Variants in STAU2 observed in about 807,000 individuals in gnomAD.
The protein encoded by STAU2 is double-stranded RNA-binding protein Staufen homolog 2.
A neutral mutation model predicts 65.9 loss-of-function variants in STAU2; 20 were observed. The observed-to-expected ratio is 0.30, with a 90% confidence interval of 0.21 to 0.44. STAU2 has a LOEUF of 0.44. STAU2 is among the 20% of genes least tolerant of loss of function. The pLI is 1.00. For missense variants in STAU2, 558 were observed against 683.9 expected, an observed-to-expected ratio of 0.82 and a Z score of 2.05; for synonymous variants, 232 against 233.9, an observed-to-expected ratio of 0.99 and a Z score of 0.07.
intron 13 of STAU2, among the ~76,000 whole-genome samples, chr8:73,532,737 T>G (rs1805904487): frequency 6.6e-6 from 1 of 152,204 alleles, no homozygotes; most frequent in African/African-American, 2.4e-5. Flanking sequence ...TTCATCTACA[T>G]AACAAGAACC....
intron 13 of STAU2, among the ~76,000 whole-genome samples, chr8:73,459,579 T>G (rs1049734729): frequency 1.3e-5 from 2 of 151,992 alleles, no homozygotes; most frequent in East Asian, 3.9e-4. Context: ...AAGTCGCCTC[T>G]CGTTAAGGTG....
rs550577593 is a variant in STAU2 at position 73,604,025 on chromosome 8, T to C, written c.892-162A>G. On this transcript the variant is annotated intron_variant, in intron 9 of 14. Coordinates refer to ENST00000524300, the MANE Select transcript of STAU2 (RefSeq NM_001164380.2). ...ATATTTATAAAGGAAAATCATAAAA[T>C]AGACCTGTAACCAAGGCTTCTATGG... 2.6e-5 allele frequency among the ~76,000 whole-genome samples: 4 copies of C among 152,252 alleles called. No individual in the cohort carries two copies. In the East Asian group the frequency reaches 5.8e-4, roughly 22 times the overall value.
chr8:73,746,835 A>C lies in STAU2; in HGVS notation c.-249T>G. On this transcript the variant is annotated 5_prime_UTR_variant, in exon 1 of 15. Coordinates refer to ENST00000524300, the MANE Select transcript of STAU2 (RefSeq NM_001164380.2). ...GCTCCAACATTGGCAAACACTACAG[A>C]GAACTGACCCCGCTCGGCCGCCGCC... 1 of 1,227,068 alleles carries C rather than the reference A, an allele frequency of 8.1e-7. No homozygotes were observed. Among genetic ancestry groups the C allele is most frequent in the Non-Finnish European group, 1.0e-6 (1 of 983,866 alleles). The allele number at this position is 1,227,068 out of a possible 1,614,324, so 76.0% of individuals were successfully genotyped here. A position where few individuals can be genotyped will look rare whatever the true frequency, so the allele number is the denominator to read the frequency against.
chr8:73,664,437 A>C (rs942627296), intron 6 of STAU2, among the ~76,000 whole-genome samples: 1 of 152,204 alleles, frequency 6.6e-6, no homozygotes, highest in African/African-American at 2.4e-5. Flanking sequence ...GGTTGTTTGA[A>C]GAAGCCCTTT....
At chr8:73,620,091 T>C (rs1364566389) in intron 6 of STAU2, among the ~76,000 whole-genome samples, 1 of 152,220 alleles carries the variant, frequency 6.6e-6, no homozygotes, top group Non-Finnish European at 1.5e-5. Context: ...ATCCCTTTAA[T>C]GCAGAAATTT....
intron 13 of STAU2, among the ~76,000 whole-genome samples, chr8:73,465,320 A>C (rs1449270132): frequency 6.6e-6 from 1 of 152,204 alleles, no homozygotes; most frequent in African/African-American, 2.4e-5. Context: ...TAAGTATTTA[A>C]TGGCATTTTT....
chr8:73,542,214 C>T (rs1254342797), intron 13 of STAU2, among the ~76,000 whole-genome samples: 1 of 152,008 alleles, frequency 6.6e-6, no homozygotes, highest in Non-Finnish European at 1.5e-5. Flanking sequence ...GGAGAGATTC[C>T]TTGCTTAAGC....
intron 4 of STAU2, among the ~76,000 whole-genome samples, chr8:73,705,780 C>T (rs932741849): frequency 6.6e-6 from 1 of 152,142 alleles, no homozygotes; most frequent in Non-Finnish European, 1.5e-5. Flanking sequence ...TTGTGATACT[C>T]ATGGGGGAAG....
chr8:73,666,754 G>A (rs576420386), intron 6 of STAU2, among the ~76,000 whole-genome samples: 7 of 152,072 alleles, frequency 4.6e-5, no homozygotes, highest in African/African-American at 7.2e-5. Flanking sequence ...AAACCCTTTG[G>A]GGAAGAAAGG....
chr8:73,686,071 G>GT (rs1328504826), intron 5 of STAU2, among the ~76,000 whole-genome samples: 5 of 151,944 alleles, frequency 3.3e-5, no homozygotes, highest in African/African-American at 1.2e-4. Context: ...ACCAAATGTA[G>GT]TATGTTCTCA....
At chr8:73,519,902 A>G (rs1427754097) in intron 13 of STAU2, among the ~76,000 whole-genome samples, 1 of 152,208 alleles carries the variant, frequency 6.6e-6, no homozygotes, top group Non-Finnish European at 1.5e-5. Context: ...AAGTGTAACA[A>G]TGGGATAATG....
intron 10 of STAU2, among the ~76,000 whole-genome samples, chr8:73,602,019 A>C (rs1235730559): frequency 6.6e-6 from 1 of 152,194 alleles, no homozygotes; most frequent in Non-Finnish European, 1.5e-5. Context: ...CTTGACAATA[A>C]TGTGATTACT....
chr8:73,439,100 T>G (rs1437364852), intron 13 of STAU2: 1 of 451,958 alleles, frequency 2.2e-6, no homozygotes, highest in Non-Finnish European at 4.4e-6. Flanking sequence ...GACAGTATTG[T>G]GCTGGTAAAT....
chr8:73,725,309 G>A (rs781298694), intron 3 of STAU2, among the ~76,000 whole-genome samples: 3 of 151,850 alleles, frequency 2.0e-5, no homozygotes, highest in South Asian at 2.1e-4. Flanking sequence ...TTATTTTGTC[G>A]TATAGGAATT....
chr8:73,571,660 C>T (rs1380563539), intron 12 of STAU2, among the ~76,000 whole-genome samples: 3 of 152,008 alleles, frequency 2.0e-5, no homozygotes, highest in African/African-American at 4.8e-5. Context: ...GGGTACATAA[C>T]GAAATGAAGG....
chr8:73,574,382 T>A (rs1165080749), intron 12 of STAU2, among the ~76,000 whole-genome samples: 9 of 152,168 alleles, frequency 5.9e-5, no homozygotes, highest in Admixed American at 5.9e-4. Flanking sequence ...GAAATACCAT[T>A]TGACCCAGCC....
intron 6 of STAU2, among the ~76,000 whole-genome samples, chr8:73,646,137 C>T (rs559384455): frequency 3.3e-5 from 5 of 152,110 alleles, no homozygotes; most frequent in African/African-American, 1.2e-4. Context: ...AGTGAATTAG[C>T]AAGTTTATAG....
At chr8:73,713,635 T>C (rs1456011381) in intron 3 of STAU2, among the ~76,000 whole-genome samples, 1 of 151,866 alleles carries the variant, frequency 6.6e-6, no homozygotes, top group Non-Finnish European at 1.5e-5. Context: ...AGAAAGCACA[T>C]AAAACAACAT....
At chr8:73,563,252 C>T (rs1474210495) in intron 12 of STAU2, among the ~76,000 whole-genome samples, 1 of 152,082 alleles carries the variant, frequency 6.6e-6, no homozygotes, top group African/African-American at 2.4e-5. Flanking sequence ...TCATCCTAGC[C>T]CCGTGGTGTC....
Sources: gnomAD v4.1 joint callset for allele counts (sites outside exome capture counted in the v4.1 genomes callset) on GRCh38, gnomAD v4.1.1 for gene constraint, MANE v1.5 for transcripts, NCBI Gene and HGNC (gene_info 2026-07-23, HGNC 2026-07-21) for gene names.